Variants in TNKS observed in about 807,000 individuals in gnomAD.
The protein encoded by TNKS is poly [ADP-ribose] polymerase tankyrase-1.
Under a neutral mutation model 135.8 loss-of-function variants are expected in TNKS, and 72 were observed. The observed-to-expected ratio is 0.53, with a 90% CI of 0.44 to 0.64. The LOEUF (loss-of-function observed/expected upper bound fraction) is 0.64, where lower values mean the gene tolerates loss of function less well. Ranked by LOEUF, TNKS falls within the 30% of genes least tolerant of loss-of-function variation. TNKS has a pLI of 0.00. For missense variants in TNKS, 1,769 were observed against 1,674.0 expected (o/e 1.06, Z -0.99); for synonymous variants, 849 against 649.3 (o/e 1.31, Z -4.68).
intron 3 of TNKS, among the ~76,000 whole-genome samples, chr8:9,657,820 C>T (rs1379614578): frequency 9.3e-5 from 14 of 150,496 alleles, no homozygotes; most frequent in South Asian, 2.1e-4. Flanking sequence ...GGCTGCCGGG[C>T]GGAGAGGCTC....
At chr8:9,695,425 AAGTGG>A (rs1456997094) in intron 5 of TNKS, among the ~76,000 whole-genome samples, 1 of 152,138 alleles carries the variant, frequency 6.6e-6, no homozygotes, top group Non-Finnish European at 1.5e-5. Context: ...GAGTTGCATG[AAGTGG>A]AGTGGAGTGA....
chr8:9,660,450 C>T (rs1312997232), intron 3 of TNKS, among the ~76,000 whole-genome samples: 3 of 152,150 alleles, frequency 2.0e-5, no homozygotes, highest in South Asian at 2.1e-4. Context: ...AATCAATAAA[C>T]GTAATCCAGC....
chr8:9,755,846 G>T (rs114363081), intron 20 of TNKS, among the ~76,000 whole-genome samples: 3,404 of 152,106 alleles, frequency 0.022, 116 homozygotes, highest in African/African-American at 0.078. Flanking sequence ...GAAAACCTTC[G>T]GCACATCATA....
At chr8:9,774,673 T>G (rs886284037) in intron 26 of TNKS, among the ~76,000 whole-genome samples, 5 of 152,138 alleles carry the variant, frequency 3.3e-5, no homozygotes, top group Admixed American at 1.3e-4. Context: ...AACAATTCAG[T>G]AGCCTAATCA....
chr8:9,715,600 G>C (rs535274982), intron 11 of TNKS, among the ~76,000 whole-genome samples: 1 of 152,256 alleles, frequency 6.6e-6, no homozygotes, highest in East Asian at 1.9e-4. Flanking sequence ...AAAAGAGTCT[G>C]TTGATGTGGT....
intron 2 of TNKS, among the ~76,000 whole-genome samples, chr8:9,582,129 C>T (rs1401742869): frequency 1.3e-5 from 2 of 152,140 alleles, no homozygotes; most frequent in African/African-American, 2.4e-5. Flanking sequence ...TGGTTGTAAA[C>T]CCCGGTATAC....
chr8:9,773,081 C>A (rs1047728628), intron 26 of TNKS, among the ~76,000 whole-genome samples: 1 of 151,626 alleles, frequency 6.6e-6, no homozygotes, highest in Admixed American at 6.6e-5. Flanking sequence ...TCATATTTTT[C>A]TGTTTAAATC....
At chr8:9,596,682 A>G (rs759942247) in intron 2 of TNKS, among the ~76,000 whole-genome samples, 7 of 152,350 alleles carry the variant, frequency 4.6e-5, no homozygotes, top group African/African-American at 1.2e-4. Context: ...TACATCTGAA[A>G]TCTGAATAAC....
At chr8:9,662,454 A>T (rs977674935) in intron 3 of TNKS, among the ~76,000 whole-genome samples, 1 of 152,206 alleles carries the variant, frequency 6.6e-6, no homozygotes. Flanking sequence ...AGGGACATGG[A>T]TGAAGCTGGA....
chr8:9,609,888 C>T (rs187818080), intron 2 of TNKS, among the ~76,000 whole-genome samples: 37 of 152,104 alleles, frequency 2.4e-4, no homozygotes, highest in East Asian at 5.8e-4. Context: ...AGTGGAGTCT[C>T]GCTCTGTCGG....
At chr8:9,601,337 T>G (rs1186779180) in intron 2 of TNKS, among the ~76,000 whole-genome samples, 1 of 152,214 alleles carries the variant, frequency 6.6e-6, no homozygotes, top group East Asian at 1.9e-4. Context: ...GAATTTAACA[T>G]GTATTATTGC....
chr8:9,658,100 G>A (rs1241191104), intron 3 of TNKS, among the ~76,000 whole-genome samples: 5 of 93,486 alleles, frequency 5.3e-5, no homozygotes, highest in Admixed American at 1.0e-4. Flanking sequence ...GGGAAGAGGC[G>A]CTCCTCACTT....
chr8:9,740,851 A>G (rs1226125618), intron 17 of TNKS: 43 of 47,994 alleles, frequency 9.0e-4, no homozygotes, highest in African/African-American at 2.3e-3. Context: ...TTTTTTGAGA[A>G]CAGGTCGGAC....
At chr8:9,566,124 C>T (rs924034540) in intron 1 of TNKS, 4 of 152,048 alleles carry the variant, frequency 2.6e-5, no homozygotes, top group African/African-American at 9.7e-5. Context: ...CTTCCAAATG[C>T]TTGGGTTATT....
At chr8:9,633,007 G>A (rs1241187002) in intron 3 of TNKS, among the ~76,000 whole-genome samples, 1 of 152,202 alleles carries the variant, frequency 6.6e-6, no homozygotes, top group Non-Finnish European at 1.5e-5. Context: ...GGAATTACAG[G>A]CATGAGCCAC....
intron 11 of TNKS, among the ~76,000 whole-genome samples, chr8:9,716,658 G>C (rs6601351): frequency 0.97 from 148,103 of 152,138 alleles, 72,197 homozygotes; most frequent in East Asian, 1. Context: ...CTATGTCTCT[G>C]CCTCCCTGCT....
At chr8:9,702,309 G>A (rs773790196) in intron 5 of TNKS, among the ~76,000 whole-genome samples, 3 of 149,948 alleles carry the variant, frequency 2.0e-5, no homozygotes, top group East Asian at 3.9e-4. Flanking sequence ...GCGTGTGCGT[G>A]CACACACACA....
chr8:9,636,422 A>G (rs530618037), intron 3 of TNKS, among the ~76,000 whole-genome samples: 1 of 152,306 alleles, frequency 6.6e-6, no homozygotes, highest in East Asian at 1.9e-4. Context: ...TAGTGTTTAT[A>G]AAGAGCTCAA....
chr8:9,628,973 T>G (rs1333794389), intron 3 of TNKS, among the ~76,000 whole-genome samples: 1 of 152,236 alleles, frequency 6.6e-6, no homozygotes, highest in Non-Finnish European at 1.5e-5. Flanking sequence ...TCTCTTGTTG[T>G]CTTACCTTGT....
Sources: allele counts gnomAD v4.1 joint callset (sites outside exome capture counted in the v4.1 genomes callset), GRCh38; gene constraint gnomAD v4.1.1; transcripts MANE v1.5; gene names NCBI Gene and HGNC (gene_info 2026-07-23, HGNC 2026-07-21).